The following FRAS1 variants were observed in gnomAD, a reference collection of about 807,000 sequenced individuals.
FRAS1 encodes the protein extracellular matrix organizing protein FRAS1.
Under a neutral mutation model 435.2 loss-of-function variants are expected in FRAS1, and 290 were observed. That is an observed-to-expected ratio of 0.67 (90% CI 0.61 to 0.73). The LOEUF is 0.73. FRAS1 is among the 30% of genes least tolerant of loss of function. The pLI is 0.00. For synonymous variants in FRAS1, 1,800 were observed against 1,851.0 expected (o/e 0.97, Z 0.71); for missense variants, 4,860 against 5,001.5 (o/e 0.97, Z 0.85).
At chr4:78,344,448 G>A (rs10015547) in intron 20 of FRAS1, among the ~76,000 whole-genome samples, 25,718 of 151,748 alleles carry the variant, frequency 0.17, 2,866 homozygotes, top group African/African-American at 0.32. Flanking sequence ...TGATTGATCC[G>A]AGATTTGAAC....
chr4:78,495,464 G>T (rs1323320371), intron 59 of FRAS1, among the ~76,000 whole-genome samples: 1 of 152,004 alleles, frequency 6.6e-6, no homozygotes, highest in Non-Finnish European at 1.5e-5. Context: ...CCTTCTTTGG[G>T]GCACTCATGA....
chr4:78,115,333 G>C (rs560762438), intron 2 of FRAS1, among the ~76,000 whole-genome samples: 27 of 152,258 alleles, frequency 1.8e-4, no homozygotes, highest in Non-Finnish European at 3.1e-4. Flanking sequence ...TCAGGATGAT[G>C]CTGGCCTCAT....
intron 34 of FRAS1, among the ~76,000 whole-genome samples, chr4:78,422,401 G>A (rs560288888): frequency 7.9e-4 from 120 of 152,136 alleles, no homozygotes; most frequent in Non-Finnish European, 1.5e-3. Context: ...GAGGAAGAGG[G>A]AGAAAGATTA....
chr4:78,147,027 T>G (rs149615789), intron 2 of FRAS1, among the ~76,000 whole-genome samples: 80 of 151,392 alleles, frequency 5.3e-4, no homozygotes, highest in African/African-American at 1.8e-3. Flanking sequence ...TTGCCCCCAG[T>G]AGACATCTAC....
chr4:78,503,005 G>A (rs929150329), intron 61 of FRAS1, among the ~76,000 whole-genome samples: 3 of 152,178 alleles, frequency 2.0e-5, no homozygotes, highest in Non-Finnish European at 4.4e-5. Context: ...CTGTTTATGT[G>A]ATGGATTACC....
At chr4:78,095,265 A>T (rs1741739828) in intron 2 of FRAS1, among the ~76,000 whole-genome samples, 1 of 152,250 alleles carries the variant, frequency 6.6e-6, no homozygotes, top group African/African-American at 2.4e-5. Flanking sequence ...CATTGTAGGA[A>T]AAAAAGACTA....
rs538823692 is a variant in FRAS1 at position 78,057,785 on chromosome 4, C to A, written c.-225C>A. On this transcript the variant is annotated 5_prime_UTR_variant, in exon 1 of 74. Transcript: ENST00000512123. The surrounding 1 kb of genome is among the most constrained non-coding windows in gnomAD (Gnocchi z 4.2). Reference sequence around the variant, plus strand: ...TCCTGCCTTGCGGGGGAACTCGGCGCGCTCTCTGCCTGAGCAGCGAGTGAA... The same window carrying A: ...TCCTGCCTTGCGGGGGAACTCGGCGAGCTCTCTGCCTGAGCAGCGAGTGAA... 4 of 544,892 alleles carry A rather than the reference C, an allele frequency of 7.3e-6. No individual in the cohort carries two copies. Among genetic ancestry groups the A allele is most frequent in the African/African-American group, 5.7e-5 (3 of 52,738 alleles). The allele number at this position is 544,892 out of a possible 1,614,324, so 33.8% of individuals were successfully genotyped here. A position where few individuals can be genotyped will look rare whatever the true frequency, so the allele number is the denominator to read the frequency against.
At chr4:78,206,963 G>A (rs1723286070) in intron 2 of FRAS1, among the ~76,000 whole-genome samples, 2 of 152,320 alleles carry the variant, frequency 1.3e-5, no homozygotes, top group African/African-American at 4.8e-5. Context: ...CTGGCTGGGG[G>A]CAATAGGGCC....
In FRAS1 at chr4:78,058,030, G is replaced by T. The variant is rs1739553832; in HGVS notation, c.21G>T (p.Trp7Cys). ...CGGCGATGGGTGTCCTCAAAGTGTG[G>T]CTCGGGCTGGCCCTAGCGTTGGCGG... Reference protein sequence around the residue: MGVLKVWLGLALALAEF... With the variant: MGVLKVCLGLALALAEF... Residue 7 changes from tryptophan (W) to cysteine (C), a missense_variant, in exon 1 of 74, where the codon TGG becomes TGT. Physicochemically the swap from Trp to Cys is radical, Grantham distance 215. Coordinates refer to ENST00000512123, the MANE Select transcript of FRAS1 (RefSeq NM_025074.7). 1 of 1,613,870 alleles carries T rather than the reference G, an allele frequency of 6.2e-7. No homozygotes were observed. Among genetic ancestry groups the T allele is most frequent in the Non-Finnish European group, 8.5e-7 (1 of 1,179,900 alleles).
intron 6 of FRAS1, among the ~76,000 whole-genome samples, chr4:78,260,207 A>G (rs1479396878): frequency 3.3e-5 from 5 of 151,626 alleles, no homozygotes; most frequent in South Asian, 4.2e-4. Context: ...GTTCCATATG[A>G]ACTTTAAAGT....
chr4:78,434,725 C>A (rs781319865), intron 38 of FRAS1, among the ~76,000 whole-genome samples: 9 of 151,770 alleles, frequency 5.9e-5, no homozygotes, highest in Non-Finnish European at 1.3e-4. Context: ...AATAGCATTT[C>A]TATATATAAG....
intron 19 of FRAS1, among the ~76,000 whole-genome samples, chr4:78,336,812 C>T (rs1730186921): frequency 6.6e-6 from 1 of 152,202 alleles, no homozygotes; most frequent in African/African-American, 2.4e-5. Context: ...TCCTCTTGGA[C>T]TCAGACCTGC....
At chr4:78,083,456 T>C (rs1453555926) in intron 2 of FRAS1, among the ~76,000 whole-genome samples, 1 of 152,102 alleles carries the variant, frequency 6.6e-6, no homozygotes, top group Admixed American at 6.6e-5. Context: ...GACAAAGTGT[T>C]ACCCTTAGCA....
At chr4:78,095,028 C>T (rs1298844494) in intron 2 of FRAS1, among the ~76,000 whole-genome samples, 1 of 152,234 alleles carries the variant, frequency 6.6e-6, no homozygotes, top group Non-Finnish European at 1.5e-5. Context: ...GATCATCACA[C>T]TCTTCCCAGG....
At chr4:78,386,080 G>C (rs533419205) in intron 28 of FRAS1, among the ~76,000 whole-genome samples, 1 of 152,246 alleles carries the variant, frequency 6.6e-6, no homozygotes, top group South Asian at 2.1e-4. Flanking sequence ...TTCCTAATCT[G>C]ACATGGTGAG....
intron 2 of FRAS1, among the ~76,000 whole-genome samples, chr4:78,191,685 TC>T (rs992636810): frequency 6.6e-6 from 1 of 151,886 alleles, no homozygotes; most frequent in African/African-American, 2.4e-5. Context: ...ATGCTATCCC[TC>T]CCCGCTCCCC....
chr4:78,182,824 G>A (rs1218594192), intron 2 of FRAS1, among the ~76,000 whole-genome samples: 2 of 149,548 alleles, frequency 1.3e-5, no homozygotes, highest in African/African-American at 4.9e-5. Flanking sequence ...AGGTTGCAGT[G>A]AGCCAAGATC....
At chr4:78,166,487 A>T (rs2110031154) in intron 2 of FRAS1, among the ~76,000 whole-genome samples, 1 of 152,308 alleles carries the variant, frequency 6.6e-6, no homozygotes, top group African/African-American at 2.4e-5. Flanking sequence ...TATTTTAATT[A>T]GTAAACATTT....
Position 78,472,381 on chromosome 4 carries a change from C to A in FRAS1, c.7522+51C>A. ...ATGGGAGAAATCTATGCTAATGTCA[C>A]ACTGCCTATCTCCCAGATTCTTCTC... On this transcript the variant is annotated intron_variant, in intron 52 of 73. Transcript: ENST00000512123. The A allele has an allele frequency of 2.0e-6, 3 of 1,470,684 alleles. No homozygotes were observed. The South Asian group carries it at 4.3e-5, about 21-fold the overall frequency. The allele number at this position is 1,470,684 out of a possible 1,614,324, so 91.1% of individuals were successfully genotyped here.
Sources: gnomAD v4.1 joint callset for allele counts (sites outside exome capture counted in the v4.1 genomes callset) on GRCh38, gnomAD v4.1.1 for gene constraint, Gnocchi (gnomAD v3.1) non-coding constraint, MANE v1.5 for transcripts, NCBI Gene and HGNC (gene_info 2026-07-23, HGNC 2026-07-21) for gene names.